ASH1L: variants seen among roughly 807,000 people sequenced by gnomAD.
ASH1L encodes the protein histone-lysine N-methyltransferase ASH1L.
A neutral mutation model predicts 269.0 loss-of-function variants in ASH1L; 23 were observed. The observed-to-expected ratio is 0.09, with a 90% CI of 0.06 to 0.12. The LOEUF (loss-of-function observed/expected upper bound fraction) is 0.12, where lower values mean the gene tolerates loss of function less well. Among genes scored for constraint, ASH1L ranks in the 10% least tolerant of loss-of-function variants. ASH1L has a pLI of 1.00. For missense variants in ASH1L, 2,912 were observed against 3,567.8 expected, an observed-to-expected ratio of 0.82 and a Z score of 4.68; for synonymous variants, 1,187 against 1,253.5, an observed-to-expected ratio of 0.95 and a Z score of 1.12.
At chr1:155,443,266 C>T (rs1025195261) in intron 4 of ASH1L, among the ~76,000 whole-genome samples, 1 of 152,220 alleles carries the variant, frequency 6.6e-6, no homozygotes, top group Non-Finnish European at 1.5e-5. Context: ...TGGGTACACA[C>T]TTTTGAAGCC....
At chr1:155,443,548 T>C (rs1662763591) in intron 4 of ASH1L, among the ~76,000 whole-genome samples, 1 of 152,188 alleles carries the variant, frequency 6.6e-6, no homozygotes, top group Non-Finnish European at 1.5e-5. Flanking sequence ...TATAGAACAT[T>C]TCTGTCACCC....
intron 5 of ASH1L, among the ~76,000 whole-genome samples, chr1:155,417,834 C>T (rs116353487): frequency 0.02 from 3,112 of 151,988 alleles, 105 homozygotes; most frequent in African/African-American, 0.072. Flanking sequence ...GGTGCAAGCC[C>T]GTAGTCCCAG....
Position 155,510,719 on chromosome 1 carries a change from A to G in ASH1L, c.420+10381T>C, listed in dbSNP as rs537601944. ...TTCCCAACAATTTATTCTTAATGTG[A>G]TATGATTCTCCAAGCGAAGATGAAC... On this transcript the variant is annotated intron_variant, in intron 2 of 27. Coordinates refer to ENST00000392403, the MANE Select transcript of ASH1L (RefSeq NM_018489.3). Among the ~76,000 whole-genome samples the G allele has an allele frequency of 3.3e-5, 5 of 152,200 alleles. No individual in the cohort carries two copies. The South Asian group carries it at 1.0e-3, about 31-fold the overall frequency.
chr1:155,543,488 TCA>T (rs1670577860), intron 1 of ASH1L, among the ~76,000 whole-genome samples: 1 of 119,064 alleles, frequency 8.4e-6, no homozygotes, highest in South Asian at 2.8e-4. Context: ...CCAGCCTGCA[TCA>T]CAGAGTGAGA....
chr1:155,532,837 AATTATATATATATATATGCAC>A (rs1407757028), intron 1 of ASH1L, among the ~76,000 whole-genome samples: 1 of 149,080 alleles, frequency 6.7e-6, no homozygotes, highest in African/African-American at 2.5e-5. Context: ...AAAAAAAAAA[AATTATATATATATATATGCAC>A]ACATATATAT....
In ASH1L at chr1:155,356,132, T is replaced by G. The variant is rs901036156; in HGVS notation, c.7055+1184A>C. Among the ~76,000 whole-genome samples the G allele has an allele frequency of 2.9e-4, 44 of 151,900 alleles. 1 individual carries two copies. Among genetic ancestry groups the G allele is most frequent in the East Asian group, 7.8e-4 (4 of 5,100 alleles). The stretch of plus-strand genomic sequence containing the variant: ...TTGTATTTTTAGTAGAGACAGGGTT[T>G]CTCCATGTTGGCCAGGCTGGCCTCA... On this transcript the variant is annotated intron_variant, in intron 15 of 27. Coordinates refer to ENST00000392403, the MANE Select transcript of ASH1L (RefSeq NM_018489.3).
intron 2 of ASH1L, among the ~76,000 whole-genome samples, chr1:155,497,534 G>C (rs1460987138): frequency 6.6e-6 from 1 of 152,118 alleles, no homozygotes. Context: ...TAAGAATATA[G>C]TACATAATAC....
chr1:155,389,475 C>T (rs1320587546), intron 7 of ASH1L, among the ~76,000 whole-genome samples: 4 of 151,914 alleles, frequency 2.6e-5, no homozygotes, highest in Non-Finnish European at 5.9e-5. Context: ...GAGTCTGAGA[C>T]CAGCCTGGGC....
chr1:155,545,175 C>CAGAAA (rs1670712355), intron 1 of ASH1L, among the ~76,000 whole-genome samples: 1 of 21,770 alleles, frequency 4.6e-5, no homozygotes, highest in Non-Finnish European at 7.0e-5. Flanking sequence ...TCCATCTCAC[C>CAGAAA]AAAAAAAAAA....
chr1:155,457,683 A>G (rs7536476), intron 4 of ASH1L, among the ~76,000 whole-genome samples: 3,597 of 152,340 alleles, frequency 0.024, 136 homozygotes, highest in African/African-American at 0.082. Flanking sequence ...TATTGAGGGC[A>G]GTAACTCAAT....
At chr1:155,369,872 T>C (rs1220375127) in intron 12 of ASH1L, among the ~76,000 whole-genome samples, 2 of 152,094 alleles carry the variant, frequency 1.3e-5, no homozygotes, top group Non-Finnish European at 2.9e-5. Context: ...CGGGTTCAAG[T>C]AATTCTCCTG....
chr1:155,343,284 G>A lies in ASH1L; in HGVS notation c.8293+30C>T, dbSNP rs747652274. The A allele has an allele frequency of 3.1e-6, 5 of 1,593,074 alleles. No individual in the cohort carries two copies. The highest frequency in any genetic ancestry group is 1.7e-5 in the Admixed American group (1 of 57,304). On this transcript the variant is annotated intron_variant, in intron 24 of 27. Transcript: ENST00000392403. The surrounding 1 kb of genome is among the most constrained non-coding windows in gnomAD (Gnocchi z 6.1). Reference sequence around the variant, plus strand: ...GCGTGAGCCACTGCACTTGGCCGAGGTCATTTTTTAACTAGCCCAGATCAC... The same window carrying A: ...GCGTGAGCCACTGCACTTGGCCGAGATCATTTTTTAACTAGCCCAGATCAC...
Position 155,478,715 on chromosome 1 carries a change from A to G in ASH1L, c.4155T>C (p.Pro1385=). The stretch of plus-strand genomic sequence containing the variant: ...CAGCTGTAAGGGGTGAAGGAGAGTA[A>G]GGCATACCATAAGATGGATAGAATC... ...STGFYPSYGM[P]YSPSPLTAAP... The change falls in exon 3 of 28, where the codon CCT becomes CCC. Residue 1385 remains proline (P), a synonymous_variant. Transcript: ENST00000392403. The surrounding 1 kb of genome is among the most constrained non-coding windows in gnomAD (Gnocchi z 4.6). 6.2e-7 allele frequency: 1 copy of G among 1,614,044 alleles called. No homozygotes were observed. Among genetic ancestry groups the G allele is most frequent in the East Asian group, 2.2e-5 (1 of 44,868 alleles).
intron 2 of ASH1L, among the ~76,000 whole-genome samples, chr1:155,490,224 A>G (rs1002826416): frequency 2.0e-5 from 3 of 151,746 alleles, no homozygotes; most frequent in Non-Finnish European, 4.4e-5. Context: ...TCGGCCTCCC[A>G]AAGTGCTGGG....
At chr1:155,514,229 A>AGT (rs1668355765) in intron 2 of ASH1L, among the ~76,000 whole-genome samples, 1 of 152,236 alleles carries the variant, frequency 6.6e-6, no homozygotes, top group South Asian at 2.1e-4. Context: ...TCGCACAAAA[A>AGT]GTGCATCTAC....
At position 155,337,224 on chromosome 1, in the gene ASH1L, T is replaced by C. The variant is rs1403498069; in HGVS notation, c.*436A>G. 6.5e-6 allele frequency: 1 copy of C among 153,922 alleles called. No individual in the cohort carries two copies. Among genetic ancestry groups the C allele is most frequent in the Non-Finnish European group, 1.4e-5 (1 of 69,224 alleles). 9.5% of individuals were successfully genotyped at this position (153,922 alleles called of 1,614,324 possible). ...GGTAGCTCTTGGAGCCAACAGAGAATAGATGGGGTAGGAATAGGGATCCTG... is the reference window on the plus strand; with the variant it reads ...GGTAGCTCTTGGAGCCAACAGAGAACAGATGGGGTAGGAATAGGGATCCTG... On this transcript the variant is annotated 3_prime_UTR_variant, in exon 28 of 28. Coordinates refer to ENST00000392403, the MANE Select transcript of ASH1L (RefSeq NM_018489.3).
intron 6 of ASH1L, among the ~76,000 whole-genome samples, chr1:155,398,081 C>A (rs1159826646): frequency 1.3e-5 from 2 of 151,984 alleles, no homozygotes; most frequent in East Asian, 3.8e-4. Flanking sequence ...CCAGTAAAAA[C>A]AATATATTTA....
chr1:155,354,711 G>A (rs1299740420), intron 15 of ASH1L, 81 bp from the exon 16 acceptor site: 16 of 1,355,174 alleles, frequency 1.2e-5, no homozygotes, highest in South Asian at 2.8e-5. Context: ...GGAAGCCATT[G>A]TTAGACGATA....
chr1:155,539,454 T>C (rs1402629103), intron 1 of ASH1L, among the ~76,000 whole-genome samples: 3 of 149,612 alleles, frequency 2.0e-5, no homozygotes, highest in African/African-American at 4.9e-5. Context: ...TATATATATA[T>C]ATATTTTGTT....
Sources: gnomAD v4.1 joint callset for allele counts (sites outside exome capture counted in the v4.1 genomes callset) on GRCh38, gnomAD v4.1.1 for gene constraint, Gnocchi (gnomAD v3.1) non-coding constraint, MANE v1.5 for transcripts, NCBI Gene and HGNC (gene_info 2026-07-23, HGNC 2026-07-21) for gene names.